The following NT5C3A variants were observed in gnomAD, a reference collection of about 807,000 sequenced individuals.
NT5C3A encodes the protein cytosolic 5'-nucleotidase 3A.
Under a neutral mutation model 40.0 loss-of-function variants are expected in NT5C3A, and 23 were observed. That is an observed-to-expected ratio of 0.58 (90% CI 0.41 to 0.81). The LOEUF is 0.81. Among genes scored for constraint, NT5C3A ranks in the 40% least tolerant of loss-of-function variants. NT5C3A has a pLI of 0.00. For missense variants in NT5C3A, 328 were observed against 403.0 expected (o/e 0.81, Z 1.59); for synonymous variants, 130 against 141.4 (o/e 0.92, Z 0.57).
rs979161316 is a variant in NT5C3A, at chr7:33,023,870, A to G, written c.307+169T>C. On this transcript the variant is annotated intron_variant, in intron 3 of 8. Coordinates refer to ENST00000610140, the MANE Select transcript of NT5C3A (RefSeq NM_001002010.5). ...ACCATACATGAAAATAACCATTTAT[A>G]TAATATGGGAAAAAAAACCTCAAAA... is the stretch of plus-strand genomic sequence containing the variant. 35 of 603,424 alleles carry G rather than the reference A, an allele frequency of 5.8e-5. No homozygotes were observed. The East Asian group carries it at 9.9e-4, about 17-fold the overall frequency. 37.4% of individuals were successfully genotyped at this position (603,424 alleles called of 1,614,324 possible).
At chr7:33,037,383 T>G (rs1786665485) in intron 1 of NT5C3A, among the ~76,000 whole-genome samples, 1 of 152,210 alleles carries the variant, frequency 6.6e-6, no homozygotes, top group Non-Finnish European at 1.5e-5. Flanking sequence ...ATAATGACTT[T>G]ACTTTTACTT....
intron 1 of NT5C3A, among the ~76,000 whole-genome samples, chr7:33,045,546 G>A (rs1468779314): frequency 4.0e-5 from 6 of 150,662 alleles, no homozygotes; most frequent in Admixed American, 6.6e-5. Context: ...TGCAATCTCC[G>A]CCTCCTGAGT....
In NT5C3A at chr7:33,014,307, A is replaced by G. The variant is rs1451540241; in HGVS notation, c.*423T>C. 2.2e-6 allele frequency: 1 copy of G among 454,462 alleles called. No individual in the cohort carries two copies. Among genetic ancestry groups the G allele is most frequent in the South Asian group, 1.6e-5 (1 of 64,466 alleles). 28.2% of individuals were successfully genotyped at this position (454,462 alleles called of 1,614,324 possible). A position where few individuals can be genotyped will look rare whatever the true frequency, so the allele number is the denominator to read the frequency against. The stretch of plus-strand genomic sequence containing the variant: ...CCTAACACAATTTCAAGAGATGGTG[A>G]TACCATCAGCATAATAACCCAAATT... On this transcript the variant is annotated 3_prime_UTR_variant, in exon 9 of 9. Coordinates refer to ENST00000610140, the MANE Select transcript of NT5C3A (RefSeq NM_001002010.5).
At chr7:33,023,407 C>T (rs949178436) in intron 3 of NT5C3A, among the ~76,000 whole-genome samples, 6 of 151,420 alleles carry the variant, frequency 4.0e-5, no homozygotes, top group Non-Finnish European at 5.9e-5. Context: ...TACAGGTGCC[C>T]GCCACCATGC....
chr7:33,015,806 C>G lies in NT5C3A; in HGVS notation c.758G>C (p.Arg253Thr), dbSNP rs150348879. The G allele has an allele frequency of 5.9e-5, 95 of 1,610,578 alleles. No individual in the cohort carries two copies. The highest frequency in any genetic ancestry group is 1.8e-5 in the Non-Finnish European group (21 of 1,176,926). The change falls in exon 8 of 9, where the codon AGG (arginine) becomes ACG (threonine). Residue 253 changes from arginine to threonine, a missense_variant. Arg to Thr is a moderately conservative substitution (Grantham distance 71, BLOSUM62 -1). Around this residue, in one of 3 missense-constraint regions of NT5C3A, gnomAD observed 280 missense variants for 317.2 expected, o/e 0.88. Transcript: ENST00000610140. ...TAGTTGATTGAAATATTCTGTATTC[C>G]TCAAGGCACCATCATGTTTGTTAAA... is the stretch of plus-strand genomic sequence containing the variant. ...HVFNKHDGAL[R>T]NTEYFNQLKD...
intron 1 of NT5C3A, among the ~76,000 whole-genome samples, chr7:33,048,639 C>T (rs762697174): frequency 3.3e-5 from 5 of 152,072 alleles, no homozygotes; most frequent in African/African-American, 7.2e-5. Context: ...TTCAGTAGCT[C>T]AAAATTAAAT....
At chr7:33,055,351 G>A (rs1014247958) in intron 1 of NT5C3A, among the ~76,000 whole-genome samples, 2 of 151,706 alleles carry the variant, frequency 1.3e-5, no homozygotes, top group African/African-American at 2.4e-5. Flanking sequence ...AAGCTGTTCT[G>A]AGTTTGTGTT....
chr7:33,027,786 A>G (rs1286055182), intron 1 of NT5C3A, among the ~76,000 whole-genome samples: 1 of 152,178 alleles, frequency 6.6e-6, no homozygotes, highest in Non-Finnish European at 1.5e-5. Flanking sequence ...ATAATACAGT[A>G]ACTAAACTTC....
chr7:33,026,293 G>A (rs939925937), intron 2 of NT5C3A, among the ~76,000 whole-genome samples: 6 of 144,114 alleles, frequency 4.2e-5, no homozygotes, highest in Non-Finnish European at 8.9e-5. Context: ...AGGTTGCAGT[G>A]AGCCAGGATT....
intron 1 of NT5C3A, among the ~76,000 whole-genome samples, chr7:33,032,488 GCT>G (rs1470672176): frequency 6.7e-6 from 1 of 149,952 alleles, no homozygotes; most frequent in Non-Finnish European, 1.5e-5. Flanking sequence ...GCAGGGTCTT[GCT>G]CTGTCACCCA....
intron 6 of NT5C3A, among the ~76,000 whole-genome samples, chr7:33,019,021 G>C (rs1237073846): frequency 6.6e-6 from 1 of 152,018 alleles, no homozygotes; most frequent in African/African-American, 2.4e-5. Context: ...TATAATCCCA[G>C]CACTTTGGGA....
chr7:33,025,745 A>G (rs1487962195), intron 2 of NT5C3A, among the ~76,000 whole-genome samples: 2 of 152,358 alleles, frequency 1.3e-5, no homozygotes, highest in East Asian at 1.9e-4. Flanking sequence ...TGTTTTTCCA[A>G]TAGGGTATTC....
intron 1 of NT5C3A, among the ~76,000 whole-genome samples, chr7:33,056,207 T>G (rs576709844): frequency 4.6e-5 from 7 of 152,132 alleles, no homozygotes; most frequent in Admixed American, 3.9e-4. Flanking sequence ...TGCTAAATTA[T>G]GAGAAATCAT....
intron 1 of NT5C3A, among the ~76,000 whole-genome samples, chr7:33,053,528 G>A (rs1787452414): frequency 6.7e-6 from 1 of 148,206 alleles, no homozygotes; most frequent in Admixed American, 6.8e-5. Context: ...AGGCATGGTG[G>A]CACATGTCTG....
chr7:33,014,864 T>C lies in NT5C3A; in HGVS notation c.895-33A>G. The C allele has an allele frequency of 2.6e-6, 4 of 1,566,662 alleles. No individual in the cohort carries two copies. The South Asian group carries it at 3.3e-5, about 13-fold the overall frequency. ...AGAGATGAACAAAAGAAAATTAACATGCAGGGCAAAGAAACAAATAATTTC... is the reference window on the plus strand; with the variant it reads ...AGAGATGAACAAAAGAAAATTAACACGCAGGGCAAAGAAACAAATAATTTC... On this transcript the variant is annotated intron_variant, in intron 8 of 8. Coordinates refer to ENST00000610140, the MANE Select transcript of NT5C3A (RefSeq NM_001002010.5).
intron 3 of NT5C3A, 63 bp from the exon 4 acceptor site, chr7:33,022,162 G>C: frequency 1.1e-6 from 1 of 888,194 alleles, no homozygotes; most frequent in Non-Finnish European, 1.9e-6. Context: ...CCACTACTAT[G>C]AATAATTTGC....
chr7:33,052,485 CAAAAAAA>C (rs60149792), intron 1 of NT5C3A, among the ~76,000 whole-genome samples: 3 of 74,236 alleles, frequency 4.0e-5, no homozygotes, highest in African/African-American at 1.1e-4. Context: ...GACTCGGTCT[CAAAAAAA>C]AAAAAAAAAA....
intron 1 of NT5C3A, among the ~76,000 whole-genome samples, chr7:33,027,560 C>T (rs1173076886): frequency 6.6e-6 from 1 of 152,070 alleles, no homozygotes; most frequent in Non-Finnish European, 1.5e-5. Flanking sequence ...TAAAAACTGC[C>T]TGGAGTTCAA....
intron 1 of NT5C3A, among the ~76,000 whole-genome samples, chr7:33,057,753 C>T (rs919593174): frequency 3.3e-5 from 5 of 152,062 alleles, no homozygotes; most frequent in East Asian, 1.9e-4. Flanking sequence ...TAATAGTTGA[C>T]GTTAACAACA....
Sources: allele counts gnomAD v4.1 joint callset (sites outside exome capture counted in the v4.1 genomes callset), GRCh38; gene constraint gnomAD v4.1.1; regional missense constraint gnomAD v4.1.1; transcripts MANE v1.5; gene names NCBI Gene and HGNC (gene_info 2026-07-23, HGNC 2026-07-21).